The following NUTF2 variants were observed in gnomAD, a reference collection of about 807,000 sequenced individuals.
NUTF2 encodes nuclear transport factor 2, also known as placental protein 15.
NUTF2 carries 3 observed loss-of-function variants against 18.5 expected under a neutral mutation model. That is an observed-to-expected ratio of 0.16 (90% CI 0.07 to 0.42). The LOEUF is 0.42. Ranked by LOEUF, NUTF2 falls within the 10% of genes least tolerant of loss-of-function variation. The pLI is 0.99. For missense variants in NUTF2, 44 were observed against 160.7 expected (o/e 0.27, Z 3.93); for synonymous variants, 51 against 57.9 (o/e 0.88, Z 0.54).
At chr16:67,860,545 A>G (rs1419733990) in intron 1 of NUTF2, among the ~76,000 whole-genome samples, 2 of 152,220 alleles carry the variant, frequency 1.3e-5, no homozygotes, top group Non-Finnish European at 2.9e-5. Context: ...TGCTGAGATT[A>G]CAGATGTGAG....
At chr16:67,860,937 T>G (rs147727544) in intron 1 of NUTF2, among the ~76,000 whole-genome samples, 5 of 152,230 alleles carry the variant, frequency 3.3e-5, no homozygotes, top group Non-Finnish European at 7.3e-5. Context: ...TGAAAACTCC[T>G]GTTGTTTGGA....
intron 1 of NUTF2, among the ~76,000 whole-genome samples, chr16:67,861,759 G>A (rs981257431): frequency 1.3e-5 from 2 of 152,178 alleles, no homozygotes; most frequent in African/African-American, 4.8e-5. Context: ...CTCTGAGCCC[G>A]GGCTTTTTTG....
At chr16:67,857,621 A>AT (rs1297432681) in intron 1 of NUTF2, among the ~76,000 whole-genome samples, 2 of 152,172 alleles carry the variant, frequency 1.3e-5, no homozygotes, top group African/African-American at 4.8e-5. Context: ...TACCCCATTC[A>AT]TTACCTCCTA....
intron 1 of NUTF2, among the ~76,000 whole-genome samples, chr16:67,862,046 G>A (rs1206420299): frequency 2.0e-5 from 3 of 152,154 alleles, no homozygotes; most frequent in Non-Finnish European, 4.4e-5. Flanking sequence ...GATCGAGGTA[G>A]GAGGGAATGG....
rs764475765 is a variant in NUTF2 at position 67,868,332 on chromosome 16, T to C, written c.100-8T>C. The C allele has an allele frequency of 6.2e-7, 1 of 1,612,154 alleles. No homozygotes were observed. Among genetic ancestry groups the C allele is most frequent in the South Asian group, 1.1e-5 (1 of 91,062 alleles). On this transcript the variant is annotated splice_region_variant and splice_polypyrimidine_tract_variant and intron_variant, in intron 2 of 4. Coordinates refer to ENST00000219169, the MANE Select transcript of NUTF2 (RefSeq NM_005796.3). The stretch of plus-strand genomic sequence containing the variant: ...CCCCAACCCTGGGGTTTCCTGTGCC[T>C]TTTTCAGATTGACGCGTCATGCCTT...
chr16:67,851,602 C>T (rs1352132556), intron 1 of NUTF2, among the ~76,000 whole-genome samples: 1 of 152,114 alleles, frequency 6.6e-6, no homozygotes, highest in Non-Finnish European at 1.5e-5. Context: ...TGATGTGCTG[C>T]ACCCATTAAC....
intron 1 of NUTF2, among the ~76,000 whole-genome samples, chr16:67,854,610 G>A (rs567900825): frequency 6.6e-6 from 1 of 152,344 alleles, no homozygotes; most frequent in Admixed American, 6.5e-5. Context: ...GGCAAGGGGA[G>A]TGAATCCTAA....
chr16:67,855,462 C>T (rs557762155), intron 1 of NUTF2, among the ~76,000 whole-genome samples: 381 of 152,304 alleles, frequency 2.5e-3, no homozygotes, highest in African/African-American at 8.5e-3. Flanking sequence ...GTGCCAGCTC[C>T]TTAAGCCCCC....
At chr16:67,854,020 A>C (rs976048463) in intron 1 of NUTF2, among the ~76,000 whole-genome samples, 1 of 151,634 alleles carries the variant, frequency 6.6e-6, no homozygotes, top group South Asian at 2.1e-4. Flanking sequence ...GCATGATCTC[A>C]GCTCACTACA....
At chr16:67,849,247 C>T (rs79174770) in intron 1 of NUTF2, among the ~76,000 whole-genome samples, 140 of 152,328 alleles carry the variant, frequency 9.2e-4, no homozygotes, top group African/African-American at 1.2e-3. Context: ...AGATTGTCTG[C>T]GTGGGTACTT....
rs1226314632 is a variant in NUTF2 at position 67,856,540 on chromosome 16, C to T, written c.-29-8562C>T. 7.8e-5 allele frequency among the ~76,000 whole-genome samples: 11 copies of T among 140,274 alleles called. No homozygotes were observed. In the East Asian group the frequency reaches 2.2e-3, roughly 28 times the overall value. The allele number at this position is 140,274 out of a possible 152,430, so 92.0% of individuals were successfully genotyped here. On this transcript the variant is annotated intron_variant, in intron 1 of 4. Coordinates refer to ENST00000219169, the MANE Select transcript of NUTF2 (RefSeq NM_005796.3). ...TTTTCCTTTTTGAGTCGGAGTTTTG[C>T]TCTCGTTGCCCAGGCTGGAGTGCAG...
intron 1 of NUTF2, among the ~76,000 whole-genome samples, chr16:67,862,372 T>A (rs183029296): frequency 6.6e-6 from 1 of 152,276 alleles, no homozygotes; most frequent in Non-Finnish European, 1.5e-5. Flanking sequence ...CCACATAGTT[T>A]TGAAGGTTCC....
At chr16:67,848,909 C>T (rs1002718072) in intron 1 of NUTF2, among the ~76,000 whole-genome samples, 2 of 152,158 alleles carry the variant, frequency 1.3e-5, no homozygotes, top group Non-Finnish European at 2.9e-5. Flanking sequence ...AATATTTTCC[C>T]AGGTAATGTT....
rs758838136 is a variant in NUTF2 at position 67,865,116 on chromosome 16, G to A, written c.-15G>A. 8.8e-6 allele frequency: 14 copies of A among 1,592,786 alleles called. No homozygotes were observed. Among genetic ancestry groups the A allele is most frequent in the African/African-American group, 8.1e-5 (6 of 74,434 alleles). On this transcript the variant is annotated 5_prime_UTR_variant, in exon 2 of 5. Coordinates refer to ENST00000219169, the MANE Select transcript of NUTF2 (RefSeq NM_005796.3). The stretch of plus-strand genomic sequence containing the variant: ...TGGTCTTGCAGGTCTCCGTGAGGCC[G>A]GGTGACGCTCCAGAATGGGAGACAA...
At chr16:67,861,656 G>A (rs1381182833) in intron 1 of NUTF2, among the ~76,000 whole-genome samples, 4 of 152,184 alleles carry the variant, frequency 2.6e-5, no homozygotes, top group Non-Finnish European at 5.9e-5. Context: ...GACTGTTGGG[G>A]TGAAGCAGGA....
intron 1 of NUTF2, among the ~76,000 whole-genome samples, chr16:67,860,382 T>C (rs2057927475): frequency 6.6e-6 from 1 of 152,114 alleles, no homozygotes; most frequent in Non-Finnish European, 1.5e-5. Context: ...TCAGGTGATC[T>C]TCCCACCTCA....
chr16:67,864,835 C>G (rs1238010290), intron 1 of NUTF2, among the ~76,000 whole-genome samples: 1 of 152,092 alleles, frequency 6.6e-6, no homozygotes, highest in East Asian at 1.9e-4. Context: ...CTTAGCACCC[C>G]TCCTGTGTGC....
intron 4 of NUTF2, among the ~76,000 whole-genome samples, chr16:67,869,393 C>T (rs117600022): frequency 0.03 from 4,596 of 151,044 alleles, 158 homozygotes; most frequent in Non-Finnish European, 0.039. Flanking sequence ...TTTGCATTTT[C>T]CTTCCTCCTT....
chr16:67,855,897 G>C (rs1301320279), intron 1 of NUTF2: 6 of 449,454 alleles, frequency 1.3e-5, no homozygotes, highest in Admixed American at 3.6e-5. Flanking sequence ...CGGGGGGGGG[G>C]GATGGGGGAA....
Sources: gnomAD v4.1 joint callset for allele counts (sites outside exome capture counted in the v4.1 genomes callset) on GRCh38, gnomAD v4.1.1 for gene constraint, MANE v1.5 for transcripts, NCBI Gene and HGNC (gene_info 2026-07-23, HGNC 2026-07-21) for gene names.